Variants in MYH14 observed in about 807,000 individuals in gnomAD.
The protein encoded by MYH14 is myosin heavy chain 14.
MYH14 carries 123 observed loss-of-function variants against 255.5 expected under a neutral mutation model. The ratio of observed to expected loss-of-function variants is 0.48; its 90% CI spans 0.42 to 0.56. The LOEUF is 0.56. MYH14 is among the 20% of genes least tolerant of loss of function. The pLI is 0.00. For synonymous variants in MYH14, 1,095 were observed against 1,161.2 expected, an observed-to-expected ratio of 0.94 and a Z score of 1.16; for missense variants, 2,423 against 2,802.3, an observed-to-expected ratio of 0.86 and a Z score of 3.06.
At chr19:50,206,993 A>C (rs548097515) in intron 1 of MYH14, among the ~76,000 whole-genome samples, 2 of 144,716 alleles carry the variant, frequency 1.4e-5, no homozygotes, top group South Asian at 4.5e-4. Context: ...CAGGAGGATC[A>C]CTTGAGCCCA....
chr19:50,214,840 G>A (rs1301588670), intron 2 of MYH14, among the ~76,000 whole-genome samples: 2 of 152,162 alleles, frequency 1.3e-5, no homozygotes, highest in African/African-American at 4.8e-5. Context: ...GATGAGTGAT[G>A]TAAGAGTCTC....
At chr19:50,228,951 C>T (rs2033244778) in intron 8 of MYH14, among the ~76,000 whole-genome samples, 1 of 152,212 alleles carries the variant, frequency 6.6e-6, no homozygotes, top group Non-Finnish European at 1.5e-5. Flanking sequence ...GCACTAGCAT[C>T]AGTGCCATCG....
Position 50,276,272 on chromosome 19 carries a change from A to G in MYH14, c.3680+69A>G. Reference sequence around the variant, plus strand: ...AGGGCTGGGGGAAGGACTTAGGTACAAAGTCTCTGTCTATACAGAGGCTTA... The same window carrying G: ...AGGGCTGGGGGAAGGACTTAGGTACGAAGTCTCTGTCTATACAGAGGCTTA... On this transcript the variant is annotated intron_variant, in intron 28 of 42. Transcript: ENST00000642316. This position sits in a 1 kb window ranked among gnomAD's most constrained non-coding sequence, Gnocchi z 4.3. 1 of 1,206,302 alleles carries G rather than the reference A, an allele frequency of 8.3e-7. No individual in the cohort carries two copies. The highest frequency in any genetic ancestry group is 1.1e-6 in the Non-Finnish European group (1 of 877,618). 74.7% of individuals were successfully genotyped at this position (1,206,302 alleles called of 1,614,324 possible). A position where few individuals can be genotyped will look rare whatever the true frequency, so the allele number is the denominator to read the frequency against.
rs757768254 is a variant in MYH14, at chr19:50,276,075, C to T, written c.3552C>T (p.Asp1184=). 1 of 1,611,390 alleles carries T rather than the reference C, an allele frequency of 6.2e-7. No homozygotes were observed. Among genetic ancestry groups the T allele is most frequent in the South Asian group, 1.1e-5 (1 of 90,510 alleles). Residue 1184 remains aspartate (D), a synonymous_variant, in exon 28 of 43, where the codon GAC becomes GAT. Transcript: ENST00000642316. This position sits in a 1 kb window ranked among gnomAD's most constrained non-coding sequence, Gnocchi z 4.3. The stretch of plus-strand genomic sequence containing the variant: ...CAGCCCTGGCCGAGGCCCAGGAGGA[C>T]CTGGAGTCTGAGCGTGTGGCCAGGA... ...AQAALAEAQE[D]LESERVARTK... is the part of the protein sequence containing the mutation.
At chr19:50,224,287 C>T in intron 6 of MYH14, 110 bp downstream of exon 6, 8 of 1,417,850 alleles carry the variant, frequency 5.6e-6, no homozygotes, top group South Asian at 1.1e-5. Flanking sequence ...GTCCCACCTG[C>T]CAGGGACCCC....
intron 3 of MYH14, among the ~76,000 whole-genome samples, chr19:50,218,262 A>G (rs1172967479): frequency 6.6e-6 from 1 of 152,034 alleles, no homozygotes; most frequent in Non-Finnish European, 1.5e-5. Context: ...TTACAGGCAT[A>G]AGCCACCATG....
In MYH14 at chr19:50,309,555, CCCT is replaced by C. The variant is rs960957998; in HGVS notation, c.5961-83_5961-81del. ...TCTCTTCCTATCTCTCTCTCTCTCCCCCTCATCTCTCTCTCTCCTCCCCCTTTC... is the reference window on the plus strand; with the variant it reads ...TCTCTTCCTATCTCTCTCTCTCTCCCCATCTCTCTCTCTCCTCCCCCTTTC... On this transcript the variant is annotated intron_variant, in intron 42 of 42. Transcript: ENST00000642316. 1.6e-5 allele frequency: 14 copies of C among 864,402 alleles called. No homozygotes were observed. The African/African-American group carries it at 1.7e-4, about 10-fold the overall frequency. The allele number at this position is 864,402 out of a possible 1,614,324, so 53.5% of individuals were successfully genotyped here.
rs535619001 is a variant in MYH14, at chr19:50,249,017, G to A, written c.1360G>A (p.Ala454Thr). The A allele has an allele frequency of 1.3e-5, 21 of 1,613,654 alleles. No homozygotes were observed. The East Asian group carries it at 1.8e-4, about 14-fold the overall frequency. Residue 454 changes from alanine (A) to threonine (T), a missense_variant, in exon 13 of 43, where the codon GCC becomes ACC. Coordinates refer to ENST00000642316, the MANE Select transcript of MYH14 (RefSeq NM_001145809.2). ...ADFALEALAK[A>T]TYERLFRWLV... ...CTTCGCGCTGGAGGCCCTGGCCAAG[G>A]CCACCTACGAGCGCCTCTTCCGCTG...
At chr19:50,211,662 T>G (rs1280228907) in intron 2 of MYH14, among the ~76,000 whole-genome samples, 1 of 152,124 alleles carries the variant, frequency 6.6e-6, no homozygotes, top group South Asian at 2.1e-4. Flanking sequence ...GTAGTCTGTC[T>G]TCTCACTTTG....
Position 50,309,672 on chromosome 19 carries a change from TGCG to T in MYH14, c.5994_5996del (p.Arg1999del). The T allele has an allele frequency of 6.2e-7, 1 of 1,600,066 alleles. No homozygotes were observed. Among genetic ancestry groups the T allele is most frequent in the Non-Finnish European group, 8.5e-7 (1 of 1,173,166 alleles). On this transcript the variant is annotated inframe_deletion, in exon 43 of 43. Coordinates refer to ENST00000642316, the MANE Select transcript of MYH14 (RefSeq NM_001145809.2). The stretch of plus-strand genomic sequence containing the variant: ...CCCCTCACCTTCACCACCCGCACGG[TGCG>T]CCAGGTCTTCCGACTAGAGGAGGGC...
At chr19:50,258,092 G>T (rs2034658793) in intron 18 of MYH14, among the ~76,000 whole-genome samples, 1 of 152,112 alleles carries the variant, frequency 6.6e-6, no homozygotes, top group South Asian at 2.1e-4. Context: ...GGGCCCTACA[G>T]AGAAGGGTCA....
chr19:50,213,125 G>A (rs576646529), intron 2 of MYH14, among the ~76,000 whole-genome samples: 1 of 152,120 alleles, frequency 6.6e-6, no homozygotes, highest in Admixed American at 6.5e-5. Context: ...GCTAATTTTT[G>A]TATTTTTAGT....
rs71180680 is a variant in MYH14, at chr19:50,210,096, C to CAAAAAAAA, written c.-3-242_-3-235dup. ...CTGGGCAACAAGCGAGACTCCGTCT[C>CAAAAAAAA]AAAAAAAAAAAAAAAAAAAAAAAAA... On this transcript the variant is annotated intron_variant, in intron 1 of 42. Coordinates refer to ENST00000642316, the MANE Select transcript of MYH14 (RefSeq NM_001145809.2). Among the ~76,000 whole-genome samples, 6 of 59,630 alleles carry CAAAAAAAA rather than the reference C, an allele frequency of 1.0e-4. 1 individual carries two copies. The highest frequency in any genetic ancestry group is 6.5e-4 in the Admixed American group (2 of 3,094). 39.1% of individuals were successfully genotyped at this position (59,630 alleles called of 152,430 possible).
At chr19:50,256,008 T>C (rs561451167) in intron 17 of MYH14, among the ~76,000 whole-genome samples, 81 of 151,714 alleles carry the variant, frequency 5.3e-4, no homozygotes, top group African/African-American at 2.0e-3. Context: ...CCAGGTGCAT[T>C]GGCTCACCCC....
intron 30 of MYH14, among the ~76,000 whole-genome samples, chr19:50,278,889 G>T (rs2035611556): frequency 6.6e-6 from 1 of 151,046 alleles, no homozygotes; most frequent in Non-Finnish European, 1.5e-5. Context: ...TCGAGAGGCT[G>T]AGGCAGGAGA....
At chr19:50,269,031 C>T (rs2035199683) in intron 24 of MYH14, among the ~76,000 whole-genome samples, 1 of 152,170 alleles carries the variant, frequency 6.6e-6, no homozygotes, top group African/African-American at 2.4e-5. Flanking sequence ...ACTAGATTCA[C>T]ATGGCCAAGT....
chr19:50,249,156 G>T lies in MYH14; in HGVS notation c.1482+17G>T. 1.3e-6 allele frequency: 2 copies of T among 1,555,528 alleles called. No individual in the cohort carries two copies. The highest frequency in any genetic ancestry group is 1.7e-6 in the Non-Finnish European group (2 of 1,148,236). On this transcript the variant is annotated intron_variant, in intron 13 of 42. Coordinates refer to ENST00000642316, the MANE Select transcript of MYH14 (RefSeq NM_001145809.2). ...ATCTTCCAGGTCCACCCTTGTGCTG[G>T]GAGGGGGATGCCAACTTCCTCACTC...
intron 10 of MYH14, among the ~76,000 whole-genome samples, chr19:50,240,271 T>C (rs1600916002): frequency 6.6e-6 from 1 of 152,342 alleles, no homozygotes. Context: ...GCTGCGCATA[T>C]GTATTTACAT....
At chr19:50,225,302 A>T (rs1333313483) in intron 6 of MYH14, among the ~76,000 whole-genome samples, 1 of 152,138 alleles carries the variant, frequency 6.6e-6, no homozygotes, top group East Asian at 1.9e-4. Context: ...TTCATTTCTT[A>T]TTAATGGGAT....
Sources: allele counts gnomAD v4.1 joint callset (sites outside exome capture counted in the v4.1 genomes callset), GRCh38; gene constraint gnomAD v4.1.1; non-coding constraint Gnocchi (gnomAD v3.1); transcripts MANE v1.5; gene names NCBI Gene and HGNC (gene_info 2026-07-23, HGNC 2026-07-21).